The following NLRC3 variants were observed in gnomAD, a reference collection of about 807,000 sequenced individuals.
NLRC3 encodes the protein NLR family CARD domain containing 3.
NLRC3 carries 87 observed loss-of-function variants against 91.6 expected under a neutral mutation model. That is an observed-to-expected ratio of 0.95 (90% confidence interval 0.80 to 1.14). NLRC3 has a LOEUF of 1.14. Ranked by LOEUF, NLRC3 falls within the 50% of genes most tolerant of loss-of-function variation. The pLI is 0.00. For synonymous variants in NLRC3, 694 were observed against 625.3 expected, an observed-to-expected ratio of 1.11 and a Z score of -1.64; for missense variants, 1,577 against 1,418.6, an observed-to-expected ratio of 1.11 and a Z score of -1.79.
chr16:3,549,528 C>T (rs923193738), intron 12 of NLRC3, among the ~76,000 whole-genome samples, 169 bp downstream of exon 12: 5 of 152,142 alleles, frequency 3.3e-5, no homozygotes, highest in Admixed American at 6.5e-5. Flanking sequence ...TGGGCCACTG[C>T]GGGCAGCAGC....
chr16:3,559,297 A>T (rs1044788507), intron 6 of NLRC3, among the ~76,000 whole-genome samples: 3 of 152,234 alleles, frequency 2.0e-5, no homozygotes, highest in African/African-American at 7.2e-5. Context: ...GATCAACTAC[A>T]GAGAGAGGTA....
intron 8 of NLRC3, among the ~76,000 whole-genome samples, 170 bp from the exon 9 acceptor site, chr16:3,554,495 G>A (rs539125149): frequency 5.9e-5 from 9 of 152,206 alleles, no homozygotes; most frequent in Non-Finnish European, 1.3e-4. Flanking sequence ...CACTGCCTGG[G>A]GCTTAGGTTT....
Position 3,563,871 on chromosome 16 carries a change from G to A in NLRC3, c.1066C>T (p.Pro356Ser). The A allele has an allele frequency of 1.2e-6, 2 of 1,602,386 alleles. No individual in the cohort carries two copies. Among genetic ancestry groups the A allele is most frequent in the Non-Finnish European group, 8.5e-7 (1 of 1,174,410 alleles). ...RTGPQDAELW[P>S]PRTLCELYSW... ...TAGAGCTCGCACAGGGTCCTCGGGG[G>A]CCACAGCTCTGCATCCTGGGGCCCC... Residue 356 changes from proline to serine, a missense_variant, in exon 5 of 20, where the codon CCC (proline) becomes TCC (serine). Transcript: ENST00000359128.
Position 3,539,788 on chromosome 16 carries a change from G to T in NLRC3, c.*2037C>A, listed in dbSNP as rs1298931211. On this transcript the variant is annotated 3_prime_UTR_variant, in exon 20 of 20. Coordinates refer to ENST00000359128, the MANE Select transcript of NLRC3 (RefSeq NM_178844.4). Reference sequence around the variant, plus strand: ...CCCAGCTACTACAAGTGATCCAAATGTTCTTTATAGCAGACTTTTTCCTGC... The same window carrying T: ...CCCAGCTACTACAAGTGATCCAAATTTTCTTTATAGCAGACTTTTTCCTGC... The T allele has an allele frequency of 1.3e-5, 2 of 152,130 alleles. No individual in the cohort carries two copies. The highest frequency in any genetic ancestry group is 4.8e-5 in the African/African-American group (2 of 41,432). The allele number at this position is 152,130 out of a possible 1,614,324, so 9.4% of individuals were successfully genotyped here. A position where few individuals can be genotyped will look rare whatever the true frequency, so the allele number is the denominator to read the frequency against.
intron 19 of NLRC3, 78 bp downstream of exon 19, chr16:3,542,113 G>A: frequency 1.9e-6 from 2 of 1,062,368 alleles, no homozygotes; most frequent in Non-Finnish European, 2.9e-6. Flanking sequence ...GGGTCAGCTG[G>A]CTCTCAGAAC....
chr16:3,544,623 A>ATG (rs1567459807), intron 15 of NLRC3: 22 of 371,322 alleles, frequency 5.9e-5, no homozygotes, highest in Admixed American at 2.0e-4. Flanking sequence ...TGCTTTTCAC[A>ATG]GCCAACCAGA....
intron 9 of NLRC3, among the ~76,000 whole-genome samples, chr16:3,553,734 T>C (rs1165204815): frequency 6.6e-6 from 1 of 150,790 alleles, no homozygotes; most frequent in South Asian, 2.1e-4. Context: ...TATTTTAATT[T>C]TATTTTATAT....
At chr16:3,557,751 G>T in intron 6 of NLRC3, 75 bp from the exon 7 acceptor site, 1 of 916,464 alleles carries the variant, frequency 1.1e-6, no homozygotes, top group Non-Finnish European at 1.8e-6. Flanking sequence ...CGCTGTGCCC[G>T]TGATTAATCC....
chr16:3,549,550 C>A (rs1362458970), intron 12 of NLRC3, 147 bp downstream of exon 12: 3 of 690,314 alleles, frequency 4.3e-6, no homozygotes, highest in Non-Finnish European at 7.5e-6. Context: ...ATCCCCTGCA[C>A]CCCAAGAGAG....
rs567311810 is a variant in NLRC3 at position 3,565,358 on chromosome 16, G to A, written c.-64C>T. The A allele has an allele frequency of 9.1e-5, 54 of 595,200 alleles. No homozygotes were observed. The highest frequency in any genetic ancestry group is 8.1e-4 in the East Asian group (22 of 27,228). 36.9% of individuals were successfully genotyped at this position (595,200 alleles called of 1,614,324 possible). A position where few individuals can be genotyped will look rare whatever the true frequency, so the allele number is the denominator to read the frequency against. On this transcript the variant is annotated 5_prime_UTR_variant, in exon 3 of 20. Coordinates refer to ENST00000359128, the MANE Select transcript of NLRC3 (RefSeq NM_178844.4). ...AGGGCAGGCTGAGTCACCTCTCTGC[G>A]CCTTGGTGTCTTCATTTGTGACCTG...
Position 3,564,242 on chromosome 16 carries a change from T to C in NLRC3, c.695A>G (p.Asn232Ser), listed in dbSNP as rs1167690595. ...DECRTPLDFS[N>S]TVACTDPKKE... ...CTTTGGGTCCGTGCAGGCCACGGTG[T>C]TGGAGAAGTCCAGAGGCGTCCTGCA... Residue 232 changes from asparagine to serine, a missense_variant, in exon 5 of 20, where the codon AAC becomes AGC. Asn to Ser is a conservative substitution (Grantham distance 46). Coordinates refer to ENST00000359128, the MANE Select transcript of NLRC3 (RefSeq NM_178844.4). The surrounding 1 kb of genome is among the most constrained non-coding windows in gnomAD (Gnocchi z 5.9). 6.2e-7 allele frequency: 1 copy of C among 1,613,026 alleles called. No homozygotes were observed. The highest frequency in any genetic ancestry group is 8.5e-7 in the Non-Finnish European group (1 of 1,179,796).
At chr16:3,570,910 A>G (rs927748089) in intron 1 of NLRC3, among the ~76,000 whole-genome samples, 3 of 152,180 alleles carry the variant, frequency 2.0e-5, no homozygotes, top group Non-Finnish European at 2.9e-5. Context: ...GAGCTACACT[A>G]AATGATTTTC....
chr16:3,574,444 G>A (rs1349167018), intron 1 of NLRC3, among the ~76,000 whole-genome samples: 1 of 152,126 alleles, frequency 6.6e-6, no homozygotes, highest in Non-Finnish European at 1.5e-5. Context: ...GCTGGGAGAG[G>A]AATGAGGGAG....
intron 18 of NLRC3, 73 bp downstream of exon 18, chr16:3,542,619 T>G: frequency 1.2e-6 from 1 of 852,478 alleles, no homozygotes; most frequent in Non-Finnish European, 1.9e-6. Flanking sequence ...CAGGAGCATT[T>G]TATTCCATCA....
At position 3,563,543 on chromosome 16, in the gene NLRC3, G is replaced by T. The variant is rs1452666120; in HGVS notation, c.1394C>A (p.Ala465Glu). 6.2e-7 allele frequency: 1 copy of T among 1,609,716 alleles called. No homozygotes were observed. The highest frequency in any genetic ancestry group is 8.5e-7 in the Non-Finnish European group (1 of 1,178,458). ...HLSLQEFVAA[A>E]YYYGASRRAI... The stretch of plus-strand genomic sequence containing the variant: ...CCTCCTGGATGCGCCATAGTAATAC[G>T]CGGCTGCCACAAACTCCTGCAGGGA... Residue 465 changes from alanine (A) to glutamate (E), a missense_variant, in exon 5 of 20, where the codon GCG (alanine) becomes GAG (glutamate). Transcript: ENST00000359128.
At position 3,557,573 on chromosome 16, in the gene NLRC3, C is replaced by CAAAA. The variant is rs2039402912; in HGVS notation, c.2099+19_2099+20insTTTT. 1.3e-6 allele frequency: 2 copies of CAAAA among 1,559,456 alleles called. No homozygotes were observed. Among genetic ancestry groups the CAAAA allele is most frequent in the Non-Finnish European group, 1.8e-6 (2 of 1,132,004 alleles). On this transcript the variant is annotated intron_variant, in intron 7 of 19. Coordinates refer to ENST00000359128, the MANE Select transcript of NLRC3 (RefSeq NM_178844.4). ...TCTGGTTCCAATGGCAAAAGTTCGG[C>CAAAA]CTTGGTTGTCCTTACTTACTCCAGA...
At chr16:3,568,641 T>G (rs1413889972) in intron 1 of NLRC3, among the ~76,000 whole-genome samples, 2 of 152,132 alleles carry the variant, frequency 1.3e-5, no homozygotes, top group African/African-American at 4.8e-5. Flanking sequence ...GTGAGAGGAC[T>G]GCTTGAGCCT....
At chr16:3,572,707 G>A (rs1295280269) in intron 1 of NLRC3, among the ~76,000 whole-genome samples, 6 of 151,922 alleles carry the variant, frequency 3.9e-5, no homozygotes, top group African/African-American at 1.5e-4. Context: ...CCACTTCTGG[G>A]AATTTATCCT....
rs76430099 is a variant in NLRC3 at position 3,541,754 on chromosome 16, C to G, written c.*71G>C. 61,682 of 1,023,668 alleles carry G rather than the reference C, an allele frequency of 0.06. 2,108 individuals are homozygous for G. The highest frequency in any genetic ancestry group is 0.067 in the Non-Finnish European group (44,629 of 665,258). The allele number at this position is 1,023,668 out of a possible 1,614,324, so 63.4% of individuals were successfully genotyped here. A position where few individuals can be genotyped will look rare whatever the true frequency, so the allele number is the denominator to read the frequency against. ...GTTCCCAGCTCCCAGACAGGCCCCC[C>G]AGAAGTCGGCCTTTCTGTTCAAAAG... On this transcript the variant is annotated 3_prime_UTR_variant, in exon 20 of 20. Coordinates refer to ENST00000359128, the MANE Select transcript of NLRC3 (RefSeq NM_178844.4).
Sources: allele counts gnomAD v4.1 joint callset (sites outside exome capture counted in the v4.1 genomes callset), GRCh38; gene constraint gnomAD v4.1.1; non-coding constraint Gnocchi (gnomAD v3.1); transcripts MANE v1.5; gene names NCBI Gene and HGNC (gene_info 2026-07-23, HGNC 2026-07-21).